ARHGAP12: variants seen among roughly 807,000 people sequenced by gnomAD.
The protein encoded by ARHGAP12 is Rho GTPase activating protein 12, also known as rho GTPase-activating protein 12.
ARHGAP12 carries 64 observed loss-of-function variants against 108.6 expected under a neutral mutation model. The observed-to-expected ratio is 0.59, with a 90% CI of 0.48 to 0.73. The LOEUF (loss-of-function observed/expected upper bound fraction) is 0.73, where lower values mean the gene tolerates loss of function less well. ARHGAP12 is among the 30% of genes least tolerant of loss of function. ARHGAP12 has a pLI of 0.00. For synonymous variants in ARHGAP12, 312 were observed against 337.2 expected (o/e 0.93, Z 0.82); for missense variants, 940 against 1,005.9 (o/e 0.93, Z 0.89).
chr10:31,816,168 CG>C (rs1835194630), intron 13 of ARHGAP12, among the ~76,000 whole-genome samples: 1 of 136,330 alleles, frequency 7.3e-6, no homozygotes, highest in South Asian at 2.5e-4. Context: ...AAGAAAGAAA[CG>C]TGTGTGTGTG....
rs1442554236 is a variant in ARHGAP12 at position 31,808,715 on chromosome 10, TC to T, written c.2299del (p.Asp767ThrfsTer2). On this transcript the variant is annotated frameshift_variant, in exon 19 of 20. Coordinates refer to ENST00000344936, the MANE Select transcript of ARHGAP12 (RefSeq NM_018287.7). LOFTEE classifies it high-confidence loss of function. ...EPRQRVAAVK[D>X]LIRQLPKPNQ... ...TGGCTTTGGCAACTGTCTGATTAGGTCCTTAACAGCAGCGACTCGCTGTCTT... is the reference window on the plus strand; with the variant it reads ...TGGCTTTGGCAACTGTCTGATTAGGTCTTAACAGCAGCGACTCGCTGTCTT... The T allele has an allele frequency of 6.2e-7, 1 of 1,613,856 alleles. No individual in the cohort carries two copies. The highest frequency in any genetic ancestry group is 1.1e-5 in the South Asian group (1 of 91,072).
At chr10:31,869,538 A>AAAAC (rs144777314) in intron 3 of ARHGAP12, among the ~76,000 whole-genome samples, 9 of 151,794 alleles carry the variant, frequency 5.9e-5, no homozygotes, top group South Asian at 2.1e-4. Context: ...CTCTGTCTCA[A>AAAAC]AAACAAACAA....
intron 11 of ARHGAP12, among the ~76,000 whole-genome samples, chr10:31,823,476 CAAAA>C (rs529281463): frequency 7.8e-6 from 1 of 128,072 alleles, no homozygotes. Flanking sequence ...CACTCTCTGC[CAAAA>C]AAAAAAAAAA....
At chr10:31,904,875 C>A (rs1403377002) in intron 3 of ARHGAP12, among the ~76,000 whole-genome samples, 3 of 152,144 alleles carry the variant, frequency 2.0e-5, no homozygotes, top group African/African-American at 7.2e-5. Context: ...GATCCTCCCA[C>A]CTCGGCCTCT....
intron 11 of ARHGAP12, among the ~76,000 whole-genome samples, chr10:31,824,229 A>G (rs1835517550): frequency 6.6e-6 from 1 of 152,184 alleles, no homozygotes; most frequent in South Asian, 2.1e-4. Context: ...TGTACAACCA[A>G]GCATTTCACC....
At chr10:31,824,852 C>T (rs1835548215) in intron 11 of ARHGAP12, among the ~76,000 whole-genome samples, 1 of 152,088 alleles carries the variant, frequency 6.6e-6, no homozygotes, top group Non-Finnish European at 1.5e-5. Context: ...TCTCTTATTG[C>T]TTCTCCATTC....
chr10:31,822,037 T>C (rs1208962396), intron 11 of ARHGAP12, among the ~76,000 whole-genome samples: 1 of 151,538 alleles, frequency 6.6e-6, no homozygotes, highest in African/African-American at 2.4e-5. Context: ...CCAAATAAGA[T>C]ATAGCAATTA....
At chr10:31,876,330 C>T (rs777554070) in intron 3 of ARHGAP12, among the ~76,000 whole-genome samples, 1 of 152,094 alleles carries the variant, frequency 6.6e-6, no homozygotes, top group African/African-American at 2.4e-5. Flanking sequence ...CCAGCCTGGC[C>T]AACATGGCAA....
At chr10:31,902,389 C>G (rs1838965103) in intron 3 of ARHGAP12, among the ~76,000 whole-genome samples, 1 of 148,926 alleles carries the variant, frequency 6.7e-6, no homozygotes, top group African/African-American at 2.5e-5. Context: ...TAATATTAAA[C>G]TCATGGCCAG....
chr10:31,828,505 G>GA (rs1039571497), intron 10 of ARHGAP12, among the ~76,000 whole-genome samples: 1 of 151,914 alleles, frequency 6.6e-6, no homozygotes, highest in Non-Finnish European at 1.5e-5. Flanking sequence ...TCCCTACTAT[G>GA]AAAAATACTT....
chr10:31,901,703 G>A (rs1308661677), intron 3 of ARHGAP12, among the ~76,000 whole-genome samples: 1 of 152,150 alleles, frequency 6.6e-6, no homozygotes, highest in Non-Finnish European at 1.5e-5. Context: ...ATAGTCCACA[G>A]AGGTAAAAGT....
At chr10:31,828,665 C>A (rs886362985) in intron 10 of ARHGAP12, among the ~76,000 whole-genome samples, 3 of 151,962 alleles carry the variant, frequency 2.0e-5, no homozygotes, top group Non-Finnish European at 4.4e-5. Flanking sequence ...TAAGCACTTG[C>A]GTGACTTAGT....
intron 7 of ARHGAP12, among the ~76,000 whole-genome samples, chr10:31,841,052 GATA>G (rs1456580989): frequency 2.6e-5 from 4 of 152,092 alleles, no homozygotes; most frequent in Admixed American, 2.0e-4. Flanking sequence ...TGAATAAAAT[GATA>G]ATTATATTTT....
chr10:31,839,360 C>G, intron 8 of ARHGAP12, 41 bp from the exon 9 acceptor site: 1 of 1,570,812 alleles, frequency 6.4e-7, no homozygotes, highest in Non-Finnish European at 8.7e-7. Context: ...ATAGTATTGT[C>G]TGGGAATTTT....
rs138759981 is a variant in ARHGAP12, at chr10:31,876,927, AAGTTTTTCC to A, written c.685-15278_685-15270del. 5.8e-3 allele frequency among the ~76,000 whole-genome samples: 878 copies of A among 152,292 alleles called. 6 individuals carry two copies. Among genetic ancestry groups the A allele is most frequent in the Non-Finnish European group, 0.01 (699 of 68,022 alleles). On this transcript the variant is annotated intron_variant, in intron 3 of 19. Coordinates refer to ENST00000344936, the MANE Select transcript of ARHGAP12 (RefSeq NM_018287.7). ...GAAAAGGTTCTAAAATACAAAAGACAAGTTTTTCCAGTTTCTCCGTAAGTCAAATTAACT... is the reference window on the plus strand; with the variant it reads ...GAAAAGGTTCTAAAATACAAAAGACAAGTTTCTCCGTAAGTCAAATTAACT...
At chr10:31,834,009 G>T (rs754455639) in intron 9 of ARHGAP12, among the ~76,000 whole-genome samples, 1 of 152,118 alleles carries the variant, frequency 6.6e-6, no homozygotes, top group African/African-American at 2.4e-5. Flanking sequence ...GAATGTGGTG[G>T]CAGTGACAGA....
intron 1 of ARHGAP12, among the ~76,000 whole-genome samples, chr10:31,922,313 T>A (rs1839859444): frequency 6.8e-6 from 1 of 148,062 alleles, no homozygotes; most frequent in Admixed American, 6.8e-5. Flanking sequence ...GAGACATAAC[T>A]ACAGATCCTG....
chr10:31,865,358 A>C (rs2246715), intron 3 of ARHGAP12, among the ~76,000 whole-genome samples: 30,127 of 152,034 alleles, frequency 0.2, 3,310 homozygotes, highest in East Asian at 0.38. Flanking sequence ...CAGAAGGTTA[A>C]ATTAACATAC....
chr10:31,849,333 C>T (rs955694206), intron 6 of ARHGAP12, among the ~76,000 whole-genome samples: 1 of 152,054 alleles, frequency 6.6e-6, no homozygotes, highest in Non-Finnish European at 1.5e-5. Context: ...TTCTTTTTTA[C>T]TCAGTTGTCA....
Sources: allele counts gnomAD v4.1 joint callset (sites outside exome capture counted in the v4.1 genomes callset), GRCh38; gene constraint gnomAD v4.1.1; transcripts MANE v1.5; gene names NCBI Gene and HGNC (gene_info 2026-07-23, HGNC 2026-07-21).